Variants in CNN3 observed in about 807,000 individuals in gnomAD.
The protein encoded by CNN3 is calponin 3.
In CNN3, 11 loss-of-function variants were observed where a neutral mutation model predicts 39.0. The ratio of observed to expected loss-of-function variants is 0.28; its 90% CI spans 0.18 to 0.47. The LOEUF is 0.47. CNN3 is among the 20% of genes least tolerant of loss of function. CNN3 has a pLI of 0.99. For missense variants in CNN3, 266 were observed against 403.4 expected (o/e 0.66, Z 2.92); for synonymous variants, 101 against 138.3 (o/e 0.73, Z 1.89).
chr1:94,909,311 A>G (rs1034530291), intron 1 of CNN3, among the ~76,000 whole-genome samples: 11 of 152,350 alleles, frequency 7.2e-5, no homozygotes, highest in Middle Eastern at 6.8e-3. Context: ...TCCAAAGCTC[A>G]ACTCTACCCA....
intron 1 of CNN3, among the ~76,000 whole-genome samples, chr1:94,916,500 C>T (rs1671282505): frequency 6.6e-6 from 1 of 152,186 alleles, no homozygotes. Flanking sequence ...CTCCAGTCAT[C>T]CTCTGGGCCT....
chr1:94,908,483 C>T (rs1056882857), intron 1 of CNN3, among the ~76,000 whole-genome samples: 1 of 152,196 alleles, frequency 6.6e-6, no homozygotes, highest in Non-Finnish European at 1.5e-5. Context: ...TGTTTCATGA[C>T]CTTTCTTTAG....
chr1:94,925,666 C>T (rs1039259189), intron 1 of CNN3: 1 of 985,382 alleles, frequency 1.0e-6, no homozygotes, highest in Non-Finnish European at 1.2e-6. Context: ...CCGCCTACCC[C>T]CGCAGCCCCG....
chr1:94,900,759 A>G (rs1012223989), intron 5 of CNN3, among the ~76,000 whole-genome samples: 2 of 152,228 alleles, frequency 1.3e-5, no homozygotes, highest in African/African-American at 2.4e-5. Flanking sequence ...GAAGAGAACA[A>G]TGAAGAGAAG....
At position 94,903,116 on chromosome 1, in the gene CNN3, T is replaced by G; in HGVS notation, c.246+6A>C. ...TAGAACCAGAGGTGGTTGGTTTGGC[T>G]GTTACCTGAGGCCAGTTCAGTGAGG... is the stretch of plus-strand genomic sequence containing the variant. On this transcript the variant is annotated splice_donor_region_variant and intron_variant, in intron 3 of 6. Coordinates refer to ENST00000370206, the MANE Select transcript of CNN3 (RefSeq NM_001839.5). 1 of 1,572,944 alleles carries G rather than the reference T, an allele frequency of 6.4e-7. No homozygotes were observed. The highest frequency in any genetic ancestry group is 8.6e-7 in the Non-Finnish European group (1 of 1,156,696).
chr1:94,901,305 G>A (rs991902859), intron 5 of CNN3, among the ~76,000 whole-genome samples: 2 of 149,436 alleles, frequency 1.3e-5, no homozygotes, highest in African/African-American at 4.9e-5. Context: ...AGTGAGCCGA[G>A]ATCGCGTCAC....
intron 1 of CNN3, chr1:94,925,543 T>G: frequency 4.3e-6 from 4 of 934,030 alleles, no homozygotes; most frequent in Non-Finnish European, 5.1e-6. Context: ...ATCAACTCCT[T>G]GCTTCAAAGA....
chr1:94,908,168 CCAACATCCCTCTAGCCAGATACAAT>C (rs1332489738), intron 1 of CNN3, among the ~76,000 whole-genome samples: 3 of 152,336 alleles, frequency 2.0e-5, no homozygotes, highest in Admixed American at 6.5e-5. Flanking sequence ...CCGAAACTCT[CCAACATCCCTCTAGCCAGATACAAT>C]CAACATGTGA....
chr1:94,927,089 C>A lies in CNN3; in HGVS notation c.-195G>T. 1.9e-6 allele frequency: 1 copy of A among 529,590 alleles called. No individual in the cohort carries two copies. The highest frequency in any genetic ancestry group is 3.3e-6 in the Non-Finnish European group (1 of 305,982). 32.8% of individuals were successfully genotyped at this position (529,590 alleles called of 1,614,324 possible). ...CAACTGGGTGCTACAGAGCCTCGAG[C>A]TCCGCTGCGAAGCACCCGGCTGCCT... On this transcript the variant is annotated 5_prime_UTR_variant, in exon 1 of 7. Coordinates refer to ENST00000370206, the MANE Select transcript of CNN3 (RefSeq NM_001839.5).
chr1:94,898,431 G>A (rs1054521198), intron 6 of CNN3, among the ~76,000 whole-genome samples: 2 of 152,178 alleles, frequency 1.3e-5, no homozygotes, highest in African/African-American at 4.8e-5. Context: ...TAAAGAATGT[G>A]AAATCATAAT....
rs773897186 is a variant in CNN3, at chr1:94,903,356, G to T, written c.179+47C>A. The stretch of plus-strand genomic sequence containing the variant: ...AAGGAGAGTGAGAGAGAAGGCTGTG[G>T]AAAGAACTGGAAGAGCAGAAACAGA... On this transcript the variant is annotated intron_variant, in intron 2 of 6. Coordinates refer to ENST00000370206, the MANE Select transcript of CNN3 (RefSeq NM_001839.5). 7.7e-6 allele frequency: 12 copies of T among 1,549,696 alleles called. No individual in the cohort carries two copies. The Admixed American group carries it at 2.2e-4, about 28-fold the overall frequency.
rs557951973 is a variant in CNN3, at chr1:94,921,385, A to C, written c.57+5453T>G. Among the ~76,000 whole-genome samples, 8 of 152,124 alleles carry C rather than the reference A, an allele frequency of 5.3e-5. No homozygotes were observed. In the South Asian group the frequency reaches 1.7e-3, roughly 32 times the overall value. ...ACTCCAGCCTGGGCAACAGAGGGAGACTCCATCTCAAAAAAATAAAAAAGA... is the reference window on the plus strand; with the variant it reads ...ACTCCAGCCTGGGCAACAGAGGGAGCCTCCATCTCAAAAAAATAAAAAAGA... On this transcript the variant is annotated intron_variant, in intron 1 of 6. Coordinates refer to ENST00000370206, the MANE Select transcript of CNN3 (RefSeq NM_001839.5).
chr1:94,901,086 G>A (rs1670849810), intron 5 of CNN3, among the ~76,000 whole-genome samples: 1 of 152,082 alleles, frequency 6.6e-6, no homozygotes. Flanking sequence ...AGGTGCAGTA[G>A]TTCACGCCTG....
In CNN3 at chr1:94,902,220, A is replaced by C. The variant is rs925323302; in HGVS notation, c.285T>G (p.Ala95=). ...NIGNFIKAIQ[A]YGMKPHDIFE... ...ATATGTCATGTGGCTTCATACCATA[A>C]GCCTGAATAGCTTTAATAAAGTTGC... The change falls in exon 4 of 7, where the codon GCT becomes GCG. Residue 95 remains alanine, a synonymous_variant. Transcript: ENST00000370206. The C allele has an allele frequency of 1.2e-6, 2 of 1,613,274 alleles. No homozygotes were observed. Among genetic ancestry groups the C allele is most frequent in the African/African-American group, 1.3e-5 (1 of 74,924 alleles).
At chr1:94,914,073 C>T (rs1394316790) in intron 1 of CNN3, among the ~76,000 whole-genome samples, 1 of 152,156 alleles carries the variant, frequency 6.6e-6, no homozygotes, top group African/African-American at 2.4e-5. Context: ...TGTCTCACCA[C>T]TAGAATATTT....
chr1:94,914,097 AC>A, intron 1 of CNN3, among the ~76,000 whole-genome samples: 1 of 152,114 alleles, frequency 6.6e-6, no homozygotes, highest in East Asian at 1.9e-4. Context: ...AGTCTAACAA[AC>A]TCATTCCCGC....
chr1:94,900,523 T>C (rs911817123), intron 5 of CNN3, among the ~76,000 whole-genome samples: 13 of 152,252 alleles, frequency 8.5e-5, no homozygotes, highest in African/African-American at 3.1e-4. Context: ...TGTATAATTT[T>C]ACATTACACT....
chr1:94,900,132 T>C (rs1670826382), intron 5 of CNN3, among the ~76,000 whole-genome samples: 1 of 152,206 alleles, frequency 6.6e-6, no homozygotes, highest in Admixed American at 6.5e-5. Context: ...CTGAGAACAG[T>C]ATGGCTTCAG....
chr1:94,923,829 G>C (rs894426289), intron 1 of CNN3, among the ~76,000 whole-genome samples: 2 of 152,184 alleles, frequency 1.3e-5, no homozygotes, highest in Non-Finnish European at 2.9e-5. Context: ...TCACTGAGTT[G>C]AGTATAAGCC....
Sources: gnomAD v4.1 joint callset for allele counts (sites outside exome capture counted in the v4.1 genomes callset) on GRCh38, gnomAD v4.1.1 for gene constraint, MANE v1.5 for transcripts, NCBI Gene and HGNC (gene_info 2026-07-23, HGNC 2026-07-21) for gene names.